NCF4: variants seen among roughly 807,000 people sequenced by gnomAD.
The protein encoded by NCF4 is neutrophil cytosolic factor 4.
A neutral mutation model predicts 41.7 loss-of-function variants in NCF4; 30 were observed. The ratio of observed to expected loss-of-function variants is 0.72; its 90% CI spans 0.54 to 0.97. The LOEUF (loss-of-function observed/expected upper bound fraction) is 0.97, where lower values mean the gene tolerates loss of function less well. Ranked by LOEUF, NCF4 falls within the 50% of genes least tolerant of loss-of-function variation. The pLI is 0.00. For synonymous variants in NCF4, 195 were observed against 175.8 expected, an observed-to-expected ratio of 1.11 and a Z score of -0.87; for missense variants, 432 against 460.9, an observed-to-expected ratio of 0.94 and a Z score of 0.57.
At chr22:36,868,008 G>T (rs1939968756) in intron 4 of NCF4, among the ~76,000 whole-genome samples, 1 of 152,236 alleles carries the variant, frequency 6.6e-6, no homozygotes, top group African/African-American at 2.4e-5. Flanking sequence ...GGGGGCCCTT[G>T]TGTATTCTCC....
At position 36,865,321 on chromosome 22, in the gene NCF4, G is replaced by A. The variant is rs1041608544; in HGVS notation, c.271+249G>A. Among the ~76,000 whole-genome samples, 5 of 151,952 alleles carry A rather than the reference G, an allele frequency of 3.3e-5. No homozygotes were observed. The highest frequency in any genetic ancestry group is 9.7e-5 in the African/African-American group (4 of 41,336). Reference sequence around the variant, plus strand: ...GCTCTGATGACCATCGTGGCCACTCGCTCCTGCTGTCCACTACCAGGAGGC... The same window carrying A: ...GCTCTGATGACCATCGTGGCCACTCACTCCTGCTGTCCACTACCAGGAGGC... On this transcript the variant is annotated intron_variant, in intron 3 of 9. Transcript: ENST00000248899. This position sits in a 1 kb window ranked among gnomAD's most constrained non-coding sequence, Gnocchi z 4.3.
chr22:36,871,478 T>C (rs1253312872), intron 5 of NCF4, among the ~76,000 whole-genome samples, 174 bp from the exon 6 acceptor site: 2 of 152,144 alleles, frequency 1.3e-5, no homozygotes, highest in Admixed American at 6.5e-5. Context: ...AAAGAGGTTG[T>C]GAGGATTTGG....
intron 9 of NCF4, among the ~76,000 whole-genome samples, chr22:36,877,032 T>TGA (rs758546805): frequency 0.14 from 21,277 of 152,110 alleles, 2,202 homozygotes; most frequent in African/African-American, 0.29. Flanking sequence ...AGCCCCACTC[T>TGA]GTGCCCAGTC....
At chr22:36,871,108 C>G (rs1455688070) in intron 5 of NCF4, among the ~76,000 whole-genome samples, 3 of 152,232 alleles carry the variant, frequency 2.0e-5, no homozygotes, top group Admixed American at 1.3e-4. Context: ...CAGGACGGAG[C>G]TCCTGAGCTC....
At chr22:36,876,117 G>A (rs373631819) in intron 9 of NCF4, 23 bp downstream of exon 9, 15 of 1,586,618 alleles carry the variant, frequency 9.5e-6, no homozygotes, top group Non-Finnish European at 1.2e-5. Context: ...GAATGGGGCT[G>A]GGGAGTTAGA....
In NCF4 at chr22:36,865,204, G is replaced by A. The variant is rs117963363; in HGVS notation, c.271+132G>A. On this transcript the variant is annotated intron_variant, in intron 3 of 9. Transcript: ENST00000248899. The surrounding 1 kb of genome is among the most constrained non-coding windows in gnomAD (Gnocchi z 4.3). ...CATGTAGTTTATAGCCCCCACTCCCGGCAGTTACAGGCTGCCAAGCCCTCC... is the reference window on the plus strand; with the variant it reads ...CATGTAGTTTATAGCCCCCACTCCCAGCAGTTACAGGCTGCCAAGCCCTCC... 2.0e-3 allele frequency: 2,699 copies of A among 1,330,396 alleles called. 5 individuals carry two copies. Among genetic ancestry groups the A allele is most frequent in the Non-Finnish European group, 2.1e-3 (2,031 of 964,068 alleles). The allele number at this position is 1,330,396 out of a possible 1,614,324, so 82.4% of individuals were successfully genotyped here.
chr22:36,864,829 C>A, intron 2 of NCF4, 90 bp from the exon 3 acceptor site: 1 of 1,385,798 alleles, frequency 7.2e-7, no homozygotes. Context: ...CATCATCTTC[C>A]TCCTCCTCCT....
rs570076345 is a variant in NCF4, at chr22:36,867,890, G to A, written c.342+428G>A. Among the ~76,000 whole-genome samples the A allele has an allele frequency of 1.1e-3, 174 of 152,344 alleles. 2 individuals are homozygous for A. The highest frequency in any genetic ancestry group is 1.3e-3 in the East Asian group (7 of 5,186). On this transcript the variant is annotated intron_variant, in intron 4 of 9. Coordinates refer to ENST00000248899, the MANE Select transcript of NCF4 (RefSeq NM_000631.5). Reference sequence around the variant, plus strand: ...GGGGGTGTGGCCAAGCAGGCCGCAGGTTGCTCATATAGCATCTTTGTGCAA... The same window carrying A: ...GGGGGTGTGGCCAAGCAGGCCGCAGATTGCTCATATAGCATCTTTGTGCAA...
chr22:36,875,325 C>A (rs575084615), intron 7 of NCF4, among the ~76,000 whole-genome samples: 2 of 152,130 alleles, frequency 1.3e-5, no homozygotes, highest in African/African-American at 2.4e-5. Context: ...CTACTGCGCC[C>A]GGCCCAAGGA....
At chr22:36,873,736 G>C (rs1940133729) in intron 7 of NCF4, among the ~76,000 whole-genome samples, 1 of 152,118 alleles carries the variant, frequency 6.6e-6, no homozygotes, top group South Asian at 2.1e-4. Context: ...GTCCCTTGTG[G>C]GGTTGTCCTG....
At chr22:36,875,611 C>T (rs1940173339) in intron 7 of NCF4, 42 bp from the exon 8 acceptor site, 2 of 1,585,412 alleles carry the variant, frequency 1.3e-6, no homozygotes, top group South Asian at 1.1e-5. Context: ...GCTCTGCTGC[C>T]TCTCCTCTCA....
At chr22:36,862,341 G>C (rs1303274681) in intron 1 of NCF4, among the ~76,000 whole-genome samples, 1 of 152,214 alleles carries the variant, frequency 6.6e-6, no homozygotes, top group Non-Finnish European at 1.5e-5. Context: ...GCCTACAGGG[G>C]AGTCCACGTG....
chr22:36,876,221 GC>G, intron 9 of NCF4, 127 bp downstream of exon 9: 1 of 978,082 alleles, frequency 1.0e-6, no homozygotes, highest in Non-Finnish European at 1.5e-6. Context: ...TTTATCCGCA[GC>G]CCAGCCCTGC....
intron 4 of NCF4, chr22:36,870,049 A>T: frequency 2.8e-6 from 1 of 355,384 alleles, no homozygotes; most frequent in Non-Finnish European, 5.5e-6. Context: ...TCCTAACTCA[A>T]GGGATGTCAT....
At chr22:36,871,506 C>T (rs1273562917) in intron 5 of NCF4, 146 bp from the exon 6 acceptor site, 2 of 879,674 alleles carry the variant, frequency 2.3e-6, no homozygotes, top group Non-Finnish European at 3.7e-6. Context: ...TGTGCCCGCC[C>T]AGAGGAGCAA....
intron 3 of NCF4, 61 bp from the exon 4 acceptor site, chr22:36,867,331 G>A (rs941042144): frequency 6.3e-7 from 1 of 1,581,624 alleles, no homozygotes; most frequent in Non-Finnish European, 8.7e-7. Context: ...TGTAGGGGCA[G>A]CCCTGAGCCC....
chr22:36,877,572 C>A, intron 9 of NCF4, 56 bp from the exon 10 acceptor site: 1 of 1,594,042 alleles, frequency 6.3e-7, no homozygotes, highest in Non-Finnish European at 8.6e-7. Context: ...CACCCCCTCT[C>A]CCTACCCCTA....
intron 2 of NCF4, 23 bp from the exon 3 acceptor site, chr22:36,864,896 C>A: frequency 6.2e-7 from 1 of 1,613,902 alleles, no homozygotes; most frequent in Non-Finnish European, 8.5e-7. Context: ...CTGAGCCCTC[C>A]CCACAACCTC....
At position 36,864,899 on chromosome 22, in the gene NCF4, A is replaced by T. The variant is rs764340424; in HGVS notation, c.118-20A>T. ...TGCTCCTGGCCCCTGAGCCCTCCCC[A>T]CAACCTCTGTCCTCCTTAGGTTTTC... On this transcript the variant is annotated intron_variant, in intron 2 of 9. Coordinates refer to ENST00000248899, the MANE Select transcript of NCF4 (RefSeq NM_000631.5). 7 of 1,612,910 alleles carry T rather than the reference A, an allele frequency of 4.3e-6. No individual in the cohort carries two copies. The highest frequency in any genetic ancestry group is 1.3e-5 in the African/African-American group (1 of 74,518).
Sources: gnomAD v4.1 joint callset for allele counts (sites outside exome capture counted in the v4.1 genomes callset) on GRCh38, gnomAD v4.1.1 for gene constraint, Gnocchi (gnomAD v3.1) non-coding constraint, MANE v1.5 for transcripts, NCBI Gene and HGNC (gene_info 2026-07-23, HGNC 2026-07-21) for gene names.